Variants in ROGDI observed in about 807,000 individuals in gnomAD.
ROGDI encodes rogdi atypical leucine zipper.
A neutral mutation model predicts 43.1 loss-of-function variants in ROGDI; 46 were observed. The ratio of observed to expected loss-of-function variants is 1.07; its 90% CI spans 0.84 to 1.37. The LOEUF (loss-of-function observed/expected upper bound fraction) is 1.37. Among genes scored for constraint, ROGDI ranks in the 40% most tolerant of loss-of-function variants. The probability of loss-of-function intolerance (pLI) is 0.00; values close to 1 mark genes in which losing one functional copy is unlikely to be tolerated. For missense variants in ROGDI, 518 were observed against 383.9 expected (o/e 1.35, Z -2.92); for synonymous variants, 243 against 162.0 (o/e 1.50, Z -3.80).
chr16:4,799,983 C>T (rs569818336), intron 5 of ROGDI, among the ~76,000 whole-genome samples: 1 of 152,300 alleles, frequency 6.6e-6, no homozygotes, highest in African/African-American at 2.4e-5. Context: ...ACTGCCCCCT[C>T]CTTTCTAAGG....
chr16:4,797,411 A>G lies in ROGDI; in HGVS notation c.*49T>C. The G allele has an allele frequency of 6.4e-7, 1 of 1,571,778 alleles. No homozygotes were observed. The highest frequency in any genetic ancestry group is 8.7e-7 in the Non-Finnish European group (1 of 1,150,796). On this transcript the variant is annotated 3_prime_UTR_variant, in exon 11 of 11. Coordinates refer to ENST00000322048, the MANE Select transcript of ROGDI (RefSeq NM_024589.3). ...TGGCTGGTGCTCTGTGGTGGGTATG[A>G]GTAGGGGACGGGGCCGCCTTCCTGG...
At position 4,800,523 on chromosome 16, in the gene ROGDI, TC is replaced by T. The variant is rs2082701955; in HGVS notation, c.310del (p.Glu104ArgfsTer17). On this transcript the variant is annotated frameshift_variant, in exon 5 of 11. Transcript: ENST00000322048. LOFTEE classifies it high-confidence loss of function. ...NNQLLHFAFR[E>X]DKQWKLQQIQ... The stretch of plus-strand genomic sequence containing the variant: ...CTGCTGCAGCTTCCACTGCTTGTCC[TC>T]CCGGAAGGCGAAGTGCAGCAGCTGG... 6.4e-7 allele frequency: 1 copy of T among 1,560,708 alleles called. No homozygotes were observed. The highest frequency in any genetic ancestry group is 1.4e-5 in the African/African-American group (1 of 73,642).
intron 1 of ROGDI, 25 bp downstream of exon 1, chr16:4,802,502 C>T: frequency 4.1e-6 from 5 of 1,211,098 alleles, no homozygotes; most frequent in Non-Finnish European, 5.1e-6. Flanking sequence ...CCCCGCCGGC[C>T]CGCCCGCTGG....
At chr16:4,802,488 G>A (rs1346569993) in intron 1 of ROGDI, 35 bp from the exon 2 acceptor site, 2 of 1,211,002 alleles carry the variant, frequency 1.7e-6, no homozygotes, top group African/African-American at 3.2e-5. Flanking sequence ...GCCCGGCCCC[G>A]CCGCCCCGCC....
At position 4,797,804 on chromosome 16, in the gene ROGDI, C is replaced by T. The variant is rs1469682301; in HGVS notation, c.732G>A (p.Val244=). 6.2e-7 allele frequency: 1 copy of T among 1,613,030 alleles called. No individual in the cohort carries two copies. The highest frequency in any genetic ancestry group is 2.2e-5 in the East Asian group (1 of 44,884). The change falls in exon 10 of 11, where the codon GTG becomes GTA. Residue 244 remains valine (V), a synonymous_variant. Transcript: ENST00000322048. The stretch of plus-strand genomic sequence containing the variant: ...AGGGGATCACGCACTCCACTTTGTG[C>T]ACGTGGCTCACCTCCAGGCGCTGAG... ...WGSQRLEVSH[V]HKVECVIPWL...
chr16:4,800,280 C>T (rs1172846114), intron 5 of ROGDI, among the ~76,000 whole-genome samples: 1 of 152,166 alleles, frequency 6.6e-6, no homozygotes, highest in Non-Finnish European at 1.5e-5. Context: ...CCCGATGTGG[C>T]CCTCGGGGCT....
intron 10 of ROGDI, 59 bp from the exon 11 acceptor site, chr16:4,797,560 T>C (rs1395797035): frequency 8.6e-7 from 1 of 1,159,478 alleles, no homozygotes; most frequent in African/African-American, 3.0e-5. Flanking sequence ...CCAGGGGAGA[T>C]GTCAAGGTCA....
chr16:4,800,075 G>C (rs1383180069), intron 5 of ROGDI, among the ~76,000 whole-genome samples: 1 of 152,198 alleles, frequency 6.6e-6, no homozygotes, highest in Non-Finnish European at 1.5e-5. Flanking sequence ...CAGGGGCAAG[G>C]GTGCTGAGAT....
intron 2 of ROGDI, chr16:4,802,159 G>A (rs1422778231): frequency 4.6e-6 from 3 of 653,774 alleles, no homozygotes; most frequent in East Asian, 2.9e-5. Context: ...GGCCGGGCGG[G>A]ACTCAGGCCC....
chr16:4,797,018 AAC>A lies in ROGDI; in HGVS notation c.*440_*441del, dbSNP rs952879265. 5.4e-4 allele frequency: 89 copies of A among 164,084 alleles called. No individual in the cohort carries two copies. Among genetic ancestry groups the A allele is most frequent in the Middle Eastern group, 3.0e-3 (1 of 330 alleles). The allele number at this position is 164,084 out of a possible 1,614,324, so 10.2% of individuals were successfully genotyped here. ...AGACAGCCCTGGACTGGGGCTATGA[AAC>A]ACAGTCACCAGCACTATACTCACTC... On this transcript the variant is annotated 3_prime_UTR_variant, in exon 11 of 11. Coordinates refer to ENST00000322048, the MANE Select transcript of ROGDI (RefSeq NM_024589.3).
rs2082673617 is a variant in ROGDI, at chr16:4,797,973, A to C, written c.660T>G (p.Ala220=). The C allele has an allele frequency of 6.2e-7, 1 of 1,607,632 alleles. No homozygotes were observed. The highest frequency in any genetic ancestry group is 1.3e-5 in the African/African-American group (1 of 74,822). The part of the protein sequence containing the change: ...QPNSTKNFRP[A]GGAVLHSPGA... Reference sequence around the variant, plus strand: ...CAGGGCTATGCAGCACCGCGCCCCCAGCTGGGCGGAAGTTCTAGGGAGAAC... The same window carrying C: ...CAGGGCTATGCAGCACCGCGCCCCCCGCTGGGCGGAAGTTCTAGGGAGAAC... The change falls in exon 9 of 11, where the codon GCT becomes GCG. Residue 220 remains alanine, a synonymous_variant. Coordinates refer to ENST00000322048, the MANE Select transcript of ROGDI (RefSeq NM_024589.3).
intron 9 of ROGDI, 33 bp downstream of exon 9, chr16:4,797,905 G>A: frequency 6.2e-7 from 1 of 1,601,450 alleles, no homozygotes; most frequent in Non-Finnish European, 8.5e-7. Flanking sequence ...GATGGGGTGG[G>A]CGTGCCTGGA....
Position 4,797,751 on chromosome 16 carries a change from G to C in ROGDI, c.785C>G (p.Thr262Ser), listed in dbSNP as rs1373575683. 7.2e-6 allele frequency: 11 copies of C among 1,532,850 alleles called. No individual in the cohort carries two copies. In the Middle Eastern group the frequency reaches 5.2e-4, roughly 72 times the overall value. 95.0% of individuals were successfully genotyped at this position (1,532,850 alleles called of 1,614,324 possible). A position where few individuals can be genotyped will look rare whatever the true frequency, so the allele number is the denominator to read the frequency against. Residue 262 changes from threonine to serine, a missense_variant, in exon 10 of 11, where the codon ACC becomes AGC. Physicochemically the swap from Thr to Ser is moderately conservative, Grantham distance 58. Coordinates refer to ENST00000322048, the MANE Select transcript of ROGDI (RefSeq NM_024589.3). The part of the protein sequence containing the change: ...PWLNDALVYF[T>S]VSLQLCQQLK... Reference sequence around the variant, plus strand: ...CTGCTGGCAGAGCTGCAGGGAGACGGTGAAGTAGACCAGGGCGTCGTTGAG... The same window carrying C: ...CTGCTGGCAGAGCTGCAGGGAGACGCTGAAGTAGACCAGGGCGTCGTTGAG...
chr16:4,800,102 G>C (rs1038389895), intron 5 of ROGDI, among the ~76,000 whole-genome samples: 1 of 152,172 alleles, frequency 6.6e-6, no homozygotes, highest in African/African-American at 2.4e-5. Flanking sequence ...AGTCGGGGTG[G>C]AGGGGGCAGG....
intron 2 of ROGDI, 115 bp from the exon 3 acceptor site, chr16:4,801,700 G>T: frequency 1.0e-6 from 1 of 987,310 alleles, no homozygotes; most frequent in Non-Finnish European, 1.5e-6. Context: ...AACGTGGCCT[G>T]GCCTCACCTG....
intron 2 of ROGDI, chr16:4,802,071 A>G: frequency 1.6e-6 from 1 of 616,520 alleles, no homozygotes; most frequent in South Asian, 1.5e-5. Flanking sequence ...GGCTGAAGTC[A>G]CACTGCCAGG....
rs750000066 is a variant in ROGDI at position 4,797,967 on chromosome 16, G to A, written c.666C>T (p.Gly222=). 42 of 1,606,252 alleles carry A rather than the reference G, an allele frequency of 2.6e-5. No individual in the cohort carries two copies. The highest frequency in any genetic ancestry group is 1.7e-4 in the Middle Eastern group (1 of 6,050). The stretch of plus-strand genomic sequence containing the variant: ...TGGCCCCAGGGCTATGCAGCACCGC[G>A]CCCCCAGCTGGGCGGAAGTTCTAGG... ...NSTKNFRPAG[G]AVLHSPGAMF... Residue 222 remains glycine (G), a synonymous_variant, in exon 9 of 11, where the codon GGC becomes GGT. Coordinates refer to ENST00000322048, the MANE Select transcript of ROGDI (RefSeq NM_024589.3).
At chr16:4,799,228 G>A (rs1056559094) in intron 6 of ROGDI, among the ~76,000 whole-genome samples, 1 of 152,134 alleles carries the variant, frequency 6.6e-6, no homozygotes, top group Non-Finnish European at 1.5e-5. Context: ...CGTAAGAGCT[G>A]ACTGGGGGTA....
intron 6 of ROGDI, 197 bp from the exon 7 acceptor site, chr16:4,798,864 T>C (rs1567599610): frequency 3.4e-6 from 2 of 581,572 alleles, no homozygotes; most frequent in Non-Finnish European, 6.1e-6. Flanking sequence ...TCTGCACTAA[T>C]GTCAGTCGGG....
Sources: gnomAD v4.1 joint callset for allele counts (sites outside exome capture counted in the v4.1 genomes callset) on GRCh38, gnomAD v4.1.1 for gene constraint, MANE v1.5 for transcripts, NCBI Gene and HGNC (gene_info 2026-07-23, HGNC 2026-07-21) for gene names.